KIF27: variants seen among roughly 807,000 people sequenced by gnomAD.
KIF27 encodes kinesin family member 27.
A neutral mutation model predicts 141.8 loss-of-function variants in KIF27; 84 were observed. The ratio of observed to expected loss-of-function variants is 0.59; its 90% confidence interval spans 0.50 to 0.71. The LOEUF is 0.71. KIF27 is among the 30% of genes least tolerant of loss of function. The pLI is 0.00. For missense variants in KIF27, 1,306 were observed against 1,628.4 expected (o/e 0.80, Z 3.41); for synonymous variants, 471 against 569.5 (o/e 0.83, Z 2.46).
intron 5 of KIF27, among the ~76,000 whole-genome samples, chr9:83,894,046 C>T (rs1018504189): frequency 6.6e-6 from 1 of 152,018 alleles, no homozygotes; most frequent in African/African-American, 2.4e-5. Flanking sequence ...TGGTCAAATT[C>T]CTAGAAAAAT....
At chr9:83,910,087 G>A (rs566492514) in intron 2 of KIF27, among the ~76,000 whole-genome samples, 33 of 150,032 alleles carry the variant, frequency 2.2e-4, no homozygotes, top group African/African-American at 6.6e-4. Flanking sequence ...ACATACATAC[G>A]TACGTACTTA....
chr9:83,916,662 C>CTTTT (rs34391682), intron 1 of KIF27, among the ~76,000 whole-genome samples: 2 of 123,036 alleles, frequency 1.6e-5, no homozygotes, highest in Admixed American at 8.1e-5. Context: ...ACAATGAACA[C>CTTTT]TTTTTTTTTT....
intron 2 of KIF27, among the ~76,000 whole-genome samples, chr9:83,914,208 A>T (rs562152829): frequency 2.8e-5 from 4 of 143,752 alleles, no homozygotes; most frequent in Admixed American, 2.1e-4. Context: ...AACATTTGCC[A>T]ATCAAAAAAA....
chr9:83,855,760 TACTG>T (rs1202774392), intron 14 of KIF27, among the ~76,000 whole-genome samples: 1 of 152,222 alleles, frequency 6.6e-6, no homozygotes, highest in Non-Finnish European at 1.5e-5. Flanking sequence ...GTGAGGACTT[TACTG>T]TACTTGACTT....
At chr9:83,920,054 A>C (rs1011905868) in intron 1 of KIF27, among the ~76,000 whole-genome samples, 1 of 152,172 alleles carries the variant, frequency 6.6e-6, no homozygotes, top group Admixed American at 6.6e-5. Flanking sequence ...CAACATGGTG[A>C]AACCCTGTCT....
chr9:83,919,026 A>T (rs1300859285), intron 1 of KIF27, among the ~76,000 whole-genome samples: 1 of 152,182 alleles, frequency 6.6e-6, no homozygotes, highest in Non-Finnish European at 1.5e-5. Flanking sequence ...CAGTGAGCTG[A>T]GATCGAACCA....
intron 16 of KIF27, chr9:83,848,042 TCTA>T (rs1947551301): frequency 1.8e-5 from 2 of 111,824 alleles, no homozygotes; most frequent in Non-Finnish European, 3.7e-5. Context: ...TCTATATATA[TCTA>T]CATATATCTA....
Position 83,903,913 on chromosome 9 carries a change from T to C in KIF27, c.605A>G (p.Glu202Gly), listed in dbSNP as rs757112864. Reference sequence around the variant, plus strand: ...AATTGCATGTGATCTGCTGGAGTGCTCATTCATTTGAGTGGTACCTGTATG... The same window carrying C: ...AATTGCATGTGATCTGCTGGAGTGCCCATTCATTTGAGTGGTACCTGTATG... ...ARHTGTTQMN[E>G]HSSRSHAIFT... is the part of the protein sequence containing the mutation. Residue 202 changes from glutamate (E) to glycine (G), a missense_variant, in exon 4 of 18, where the codon GAG becomes GGG. By Grantham distance (98) the Glu-to-Gly change is moderately conservative. Coordinates refer to ENST00000297814, the MANE Select transcript of KIF27 (RefSeq NM_017576.4). 6.8e-6 allele frequency: 11 copies of C among 1,614,070 alleles called. No individual in the cohort carries two copies. In the African/African-American group the frequency reaches 1.2e-4, roughly 18 times the overall value.
At chr9:83,849,125 T>C (rs1948228309) in intron 16 of KIF27, among the ~76,000 whole-genome samples, 1 of 152,204 alleles carries the variant, frequency 6.6e-6, no homozygotes, top group Non-Finnish European at 1.5e-5. Context: ...AGTTTTTATA[T>C]ATTCTTATTT....
chr9:83,905,129 T>A (rs1954372143), intron 3 of KIF27, among the ~76,000 whole-genome samples: 1 of 151,970 alleles, frequency 6.6e-6, no homozygotes, highest in Non-Finnish European at 1.5e-5. Context: ...TTCTTTTTTT[T>A]TTTTTCTTGA....
chr9:83,836,802 A>G lies in KIF27; in HGVS notation c.*199T>C. On this transcript the variant is annotated 3_prime_UTR_variant, in exon 18 of 18. Transcript: ENST00000297814. ...CAAGTATTGGAAAACATGTTTGATT[A>G]CTATGGGAATATAAACTAAAACTCC... 1.4e-6 allele frequency: 1 copy of G among 702,442 alleles called. No individual in the cohort carries two copies. The highest frequency in any genetic ancestry group is 2.2e-6 in the Non-Finnish European group (1 of 459,504). The allele number at this position is 702,442 out of a possible 1,614,324, so 43.5% of individuals were successfully genotyped here.
chr9:83,908,498 T>C lies in KIF27; in HGVS notation c.453A>G (p.Thr151=), dbSNP rs1954802506. The change falls in exon 3 of 18, where the codon ACA becomes ACG. Residue 151 remains threonine (T), a synonymous_variant. Coordinates refer to ENST00000297814, the MANE Select transcript of KIF27 (RefSeq NM_017576.4). ...CTCGGATGTGAAGATCCTTCATGGA[T>C]GTCTCCAATTCTAGAAGATCTCTTA... The part of the protein sequence containing the change: ...EDLRDLLELE[T]SMKDLHIRED... The C allele has an allele frequency of 6.2e-7, 1 of 1,613,012 alleles. No individual in the cohort carries two copies. Among genetic ancestry groups the C allele is most frequent in the Non-Finnish European group, 8.5e-7 (1 of 1,179,328 alleles).
intron 1 of KIF27, among the ~76,000 whole-genome samples, chr9:83,919,354 C>G (rs1176542441): frequency 3.9e-5 from 6 of 152,094 alleles, no homozygotes; most frequent in Non-Finnish European, 8.8e-5. Context: ...ATTGTGTTCG[C>G]ATAAAAACTT....
At chr9:83,848,313 T>TATCATATATGATATATATGATAC (rs1948010467) in intron 16 of KIF27, among the ~76,000 whole-genome samples, 1 of 116,602 alleles carries the variant, frequency 8.6e-6, no homozygotes, top group African/African-American at 3.5e-5. Context: ...ATATATGATA[T>TATCATATATGATATATATGATAC]ATCATATATC....
intron 17 of KIF27, 32 bp from the exon 18 acceptor site, chr9:83,837,517 T>C (rs1946017882): frequency 1.9e-6 from 3 of 1,547,632 alleles, no homozygotes; most frequent in African/African-American, 1.4e-5. Flanking sequence ...AAAAATTAGA[T>C]ACTATTTCCT....
intron 14 of KIF27, chr9:83,855,036 T>G (rs1280652090): frequency 6.6e-6 from 1 of 152,394 alleles, no homozygotes; most frequent in African/African-American, 2.4e-5. Context: ...TGAATATTTC[T>G]TTCTTTTTTT....
At chr9:83,884,671 G>C (rs986327025) in intron 9 of KIF27, among the ~76,000 whole-genome samples, 1 of 152,150 alleles carries the variant, frequency 6.6e-6, no homozygotes, top group East Asian at 1.9e-4. Flanking sequence ...TAACCAAAAA[G>C]TCATTATCAC....
rs1284365610 is a variant in KIF27 at position 83,913,788 on chromosome 9, G to A, written c.298+1506C>T. ...GCAAAAAGAAAGTTACAGAATCACA[G>A]GTATAATATCTCATTAAACAAACAA... On this transcript the variant is annotated intron_variant, in intron 2 of 17. Coordinates refer to ENST00000297814, the MANE Select transcript of KIF27 (RefSeq NM_017576.4). Among the ~76,000 whole-genome samples the A allele has an allele frequency of 3.2e-4, 49 of 152,086 alleles. 1 individual carries two copies. Among genetic ancestry groups the A allele is most frequent in the Non-Finnish European group, 5.9e-5 (4 of 68,012 alleles).
At chr9:83,883,158 T>C (rs1473713993) in intron 10 of KIF27, among the ~76,000 whole-genome samples, 1 of 152,042 alleles carries the variant, frequency 6.6e-6, no homozygotes, top group Non-Finnish European at 1.5e-5. Flanking sequence ...TTCTATAACA[T>C]GAAAGAAAGC....
Sources: gnomAD v4.1 joint callset for allele counts (sites outside exome capture counted in the v4.1 genomes callset) on GRCh38, gnomAD v4.1.1 for gene constraint, MANE v1.5 for transcripts, NCBI Gene and HGNC (gene_info 2026-07-23, HGNC 2026-07-21) for gene names.